PTBP1: variants seen among roughly 807,000 people sequenced by gnomAD.
PTBP1 encodes the protein polypyrimidine tract-binding protein 1.
PTBP1 carries 8 observed loss-of-function variants against 59.8 expected under a neutral mutation model. The ratio of observed to expected loss-of-function variants is 0.13; its 90% CI spans 0.08 to 0.24. PTBP1 has a LOEUF of 0.24. PTBP1 is among the 10% of genes least tolerant of loss of function. The pLI is 1.00. For missense variants in PTBP1, 686 were observed against 767.0 expected, an observed-to-expected ratio of 0.89 and a Z score of 1.25; for synonymous variants, 490 against 320.7, an observed-to-expected ratio of 1.53 and a Z score of -5.64.
In PTBP1 at chr19:797,567, C is replaced by T. The variant is rs1332510085; in HGVS notation, c.8+62C>T. 1.9e-5 allele frequency: 23 copies of T among 1,239,732 alleles called. 2 individuals carry two copies. In the South Asian group the frequency reaches 4.5e-4, roughly 24 times the overall value. 76.8% of individuals were successfully genotyped at this position (1,239,732 alleles called of 1,614,324 possible). On this transcript the variant is annotated intron_variant, in intron 1 of 14. Coordinates refer to ENST00000356948, the MANE Select transcript of PTBP1 (RefSeq NM_002819.5). Reference sequence around the variant, plus strand: ...CCGCGCCGCAGCCCTGCCCCCGCCGCCGCGCCGGCCTCCCCGGGGCCGATC... The same window carrying T: ...CCGCGCCGCAGCCCTGCCCCCGCCGTCGCGCCGGCCTCCCCGGGGCCGATC...
At chr19:803,077 A>C (rs1037247195) in intron 2 of PTBP1, among the ~76,000 whole-genome samples, 5 of 152,074 alleles carry the variant, frequency 3.3e-5, no homozygotes, top group Non-Finnish European at 5.9e-5. Flanking sequence ...GCAGCGCTAT[A>C]ATTTGGTTCT....
Position 804,975 on chromosome 19 carries a change from C to T in PTBP1, c.717+36C>T, listed in dbSNP as rs370625711. On this transcript the variant is annotated intron_variant, in intron 7 of 14. Transcript: ENST00000356948. ...CTCCCGGGACGGCGCCCGCCCTGGC[C>T]CTGGCCCGGCGACGTCTCACGGTCC... 58 of 1,612,200 alleles carry T rather than the reference C, an allele frequency of 3.6e-5. No individual in the cohort carries two copies. The African/African-American group carries it at 6.1e-4, about 17-fold the overall frequency.
In PTBP1 at chr19:805,002, T is replaced by C; in HGVS notation, c.718-11T>C. The C allele has an allele frequency of 1.9e-6, 3 of 1,613,034 alleles. No homozygotes were observed. The highest frequency in any genetic ancestry group is 4.5e-5 in the East Asian group (2 of 44,840). ...TGGCCCGGCGACGTCTCACGGTCCC[T>C]CTCCCCTCAGTCGCTGGACGGGCAG... On this transcript the variant is annotated splice_polypyrimidine_tract_variant and intron_variant, in intron 7 of 14. Coordinates refer to ENST00000356948, the MANE Select transcript of PTBP1 (RefSeq NM_002819.5).
chr19:801,736 T>C (rs1465529645), intron 2 of PTBP1, among the ~76,000 whole-genome samples: 1 of 151,822 alleles, frequency 6.6e-6, no homozygotes, highest in East Asian at 1.9e-4. Context: ...GGTGCACCCA[T>C]CCTCCCTTCC....
chr19:799,681 T>G (rs568329067), intron 2 of PTBP1, among the ~76,000 whole-genome samples: 1 of 152,242 alleles, frequency 6.6e-6, no homozygotes, highest in Non-Finnish European at 1.5e-5. Flanking sequence ...TGAGCTGCTC[T>G]TCGGTTCTTG....
At chr19:802,528 G>A (rs1022016158) in intron 2 of PTBP1, among the ~76,000 whole-genome samples, 4 of 152,104 alleles carry the variant, frequency 2.6e-5, no homozygotes, top group Non-Finnish European at 1.5e-5. Context: ...GCAGGTGGGG[G>A]CAGGCTCTTG....
Position 805,055 on chromosome 19 carries a change from C to T in PTBP1, c.760C>T (p.Arg254Cys), listed in dbSNP as rs1285170982. 3.1e-6 allele frequency: 5 copies of T among 1,613,846 alleles called. No homozygotes were observed. Among genetic ancestry groups the T allele is most frequent in the Non-Finnish European group, 4.2e-6 (5 of 1,179,866 alleles). Residue 254 changes from arginine to cysteine, a missense_variant, in exon 8 of 15, where the codon CGC (arginine) becomes TGC (cysteine). By Grantham distance (180) the Arg-to-Cys change is radical (BLOSUM62 -3). Transcript: ENST00000356948. ...CATCTACAACGCCTGCTGCACGCTGCGCATCGACTTTTCCAAGCTCACCAG... is the reference window on the plus strand; with the variant it reads ...CATCTACAACGCCTGCTGCACGCTGTGCATCGACTTTTCCAAGCTCACCAG... ...QNIYNACCTLRIDFSKLTSLN... is the reference protein window; with the variant it reads ...QNIYNACCTLCIDFSKLTSLN...
intron 10 of PTBP1, chr19:806,821 A>G (rs780476538): frequency 7.9e-6 from 3 of 377,754 alleles, no homozygotes; most frequent in Non-Finnish European, 1.4e-5. Flanking sequence ...GCAATCTAAA[A>G]ATTACTTGGA....
intron 13 of PTBP1, among the ~76,000 whole-genome samples, chr19:810,250 G>A (rs1021513397): frequency 3.3e-5 from 5 of 152,194 alleles, no homozygotes; most frequent in African/African-American, 9.6e-5. Context: ...AGGTTGTGGT[G>A]AGCTGAGATC....
intron 8 of PTBP1, 124 bp downstream of exon 8, chr19:805,311 C>G (rs1892139745): frequency 1.6e-6 from 2 of 1,270,388 alleles, no homozygotes; most frequent in South Asian, 2.7e-5. Context: ...CTCTGCACGG[C>G]CAGCACAGCA....
In PTBP1 at chr19:804,525, C is replaced by G; in HGVS notation, c.436-7C>G. 6.3e-7 allele frequency: 1 copy of G among 1,599,756 alleles called. No homozygotes were observed. Among genetic ancestry groups the G allele is most frequent in the Non-Finnish European group, 8.5e-7 (1 of 1,175,694 alleles). The stretch of plus-strand genomic sequence containing the variant: ...GGGCCGGGGACTCACGGCTGTGCCT[C>G]CCACAGCGGGCCCAGGCGGCCCTGC... On this transcript the variant is annotated splice_region_variant and splice_polypyrimidine_tract_variant and intron_variant, in intron 5 of 14. Transcript: ENST00000356948.
chr19:798,801 C>T (rs763600421), intron 1 of PTBP1, among the ~76,000 whole-genome samples: 27 of 152,258 alleles, frequency 1.8e-4, no homozygotes, highest in Non-Finnish European at 3.5e-4. Context: ...TCCACCTTCC[C>T]CCCGGGGTGT....
At chr19:805,402 C>T (rs560521077) in intron 8 of PTBP1, 90 bp from the exon 9 acceptor site, 32 of 1,374,728 alleles carry the variant, frequency 2.3e-5, no homozygotes, top group Middle Eastern at 1.8e-4. Context: ...CGGGGCCGCC[C>T]GCCGGCCGGG....
chr19:810,677 G>A lies in PTBP1; in HGVS notation c.1542-17G>A. The stretch of plus-strand genomic sequence containing the variant: ...CCCAGGCTGCCCTGCGGCCGGCCCT[G>A]ACCCCCTGTCTTGCAGGAAGGACCG... On this transcript the variant is annotated splice_polypyrimidine_tract_variant and intron_variant, in intron 14 of 14. Coordinates refer to ENST00000356948, the MANE Select transcript of PTBP1 (RefSeq NM_002819.5). The A allele has an allele frequency of 1.9e-6, 3 of 1,612,016 alleles. No individual in the cohort carries two copies. The highest frequency in any genetic ancestry group is 1.7e-5 in the Admixed American group (1 of 59,444).
intron 2 of PTBP1, among the ~76,000 whole-genome samples, chr19:800,184 T>G (rs2034272426): frequency 6.6e-6 from 1 of 151,650 alleles, no homozygotes; most frequent in African/African-American, 2.4e-5. Flanking sequence ...TGCACCCCCC[T>G]TGGCCTCCCA....
chr19:806,645 G>A lies in PTBP1; in HGVS notation c.1119+89G>A, dbSNP rs528980584. The A allele has an allele frequency of 9.3e-6, 12 of 1,295,890 alleles. No individual in the cohort carries two copies. In the South Asian group the frequency reaches 1.0e-4, roughly 11 times the overall value. 80.3% of individuals were successfully genotyped at this position (1,295,890 alleles called of 1,614,324 possible). A position where few individuals can be genotyped will look rare whatever the true frequency, so the allele number is the denominator to read the frequency against. Reference sequence around the variant, plus strand: ...CGGGCTCGGGTCCCGGAGCAGCGCCGCCCCTCGCTGTGTCTGCGCCTCTGC... The same window carrying A: ...CGGGCTCGGGTCCCGGAGCAGCGCCACCCCTCGCTGTGTCTGCGCCTCTGC... On this transcript the variant is annotated intron_variant, in intron 10 of 14. Transcript: ENST00000356948.
chr19:801,175 G>GT (rs909527374), intron 2 of PTBP1, among the ~76,000 whole-genome samples: 4 of 152,184 alleles, frequency 2.6e-5, no homozygotes, highest in Non-Finnish European at 4.4e-5. Context: ...GTCCTGGGGC[G>GT]TTTCCTGTCA....
chr19:799,785 G>T (rs2034250851), intron 2 of PTBP1, among the ~76,000 whole-genome samples: 1 of 152,230 alleles, frequency 6.6e-6, no homozygotes, highest in African/African-American at 2.4e-5. Flanking sequence ...GAAACCTCAT[G>T]TTGTGGCTGC....
rs1803622775 is a variant in PTBP1 at position 811,021 on chromosome 19, C to T, written c.*195C>T. 2 of 553,834 alleles carry T rather than the reference C, an allele frequency of 3.6e-6. No individual in the cohort carries two copies. Among genetic ancestry groups the T allele is most frequent in the African/African-American group, 2.0e-5 (1 of 50,198 alleles). The allele number at this position is 553,834 out of a possible 1,614,324, so 34.3% of individuals were successfully genotyped here. ...CCTGCGGTGACAGGGACAGCTCAGG[C>T]TCTTGGTGACTGTGGCAGCGGGAGT... On this transcript the variant is annotated 3_prime_UTR_variant, in exon 15 of 15. Coordinates refer to ENST00000356948, the MANE Select transcript of PTBP1 (RefSeq NM_002819.5).
Sources: allele counts gnomAD v4.1 joint callset (sites outside exome capture counted in the v4.1 genomes callset), GRCh38; gene constraint gnomAD v4.1.1; transcripts MANE v1.5; gene names NCBI Gene and HGNC (gene_info 2026-07-23, HGNC 2026-07-21).